Variants in DOK5 observed in about 807,000 individuals in gnomAD.
The protein encoded by DOK5 is downstream of tyrosine kinase 5.
DOK5 carries 27 observed loss-of-function variants against 43.3 expected under a neutral mutation model. The ratio of observed to expected loss-of-function variants is 0.62; its 90% confidence interval spans 0.46 to 0.86. The LOEUF is 0.86. DOK5 is among the 40% of genes least tolerant of loss of function. The pLI is 0.00. For synonymous variants in DOK5, 146 were observed against 140.1 expected (o/e 1.04, Z -0.30); for missense variants, 373 against 392.9 (o/e 0.95, Z 0.43).
Position 54,576,033 on chromosome 20 carries a change from G to A in DOK5, c.175-12450G>A, listed in dbSNP as rs572726489. ...ATGAACACAGAGTTCCTGGAGAAACGATCAGAGGCAGAAAACAAAGAATAC... is the reference window on the plus strand; with the variant it reads ...ATGAACACAGAGTTCCTGGAGAAACAATCAGAGGCAGAAAACAAAGAATAC... On this transcript the variant is annotated intron_variant, in intron 2 of 7. Transcript: ENST00000262593. Among the ~76,000 whole-genome samples, 10 of 152,112 alleles carry A rather than the reference G, an allele frequency of 6.6e-5. No individual in the cohort carries two copies. In the East Asian group the frequency reaches 1.5e-3, roughly 24 times the overall value.
chr20:54,592,702 C>T (rs553912800), intron 5 of DOK5, among the ~76,000 whole-genome samples: 179 of 151,856 alleles, frequency 1.2e-3, no homozygotes, highest in South Asian at 5.2e-3. Flanking sequence ...CACCACGCCT[C>T]GCTAATTTTT....
chr20:54,486,344 A>G (rs112609782), intron 1 of DOK5, among the ~76,000 whole-genome samples: 2 of 148,990 alleles, frequency 1.3e-5, no homozygotes, highest in Non-Finnish European at 2.9e-5. Context: ...ATATATGTCT[A>G]TATATGTCTG....
chr20:54,492,971 C>G (rs984794920), intron 1 of DOK5, among the ~76,000 whole-genome samples: 16 of 148,636 alleles, frequency 1.1e-4, no homozygotes, highest in Non-Finnish European at 2.1e-4. Flanking sequence ...AGGAGAATTG[C>G]TTGGCCCCAG....
At chr20:54,642,982 A>G (rs1230673876) in intron 6 of DOK5, among the ~76,000 whole-genome samples, 1 of 152,264 alleles carries the variant, frequency 6.6e-6, no homozygotes, top group African/African-American at 2.4e-5. Flanking sequence ...AAATCATTCA[A>G]CACATGTTAC....
At chr20:54,526,193 G>A (rs2146701283) in intron 1 of DOK5, among the ~76,000 whole-genome samples, 1 of 151,198 alleles carries the variant, frequency 6.6e-6, no homozygotes, top group Non-Finnish European at 1.5e-5. Context: ...GGTTTGATGA[G>A]GTCAGATTTC....
At chr20:54,507,839 A>G (rs1411186842) in intron 1 of DOK5, among the ~76,000 whole-genome samples, 2 of 152,232 alleles carry the variant, frequency 1.3e-5, no homozygotes, top group East Asian at 1.9e-4. Flanking sequence ...TCATATCACA[A>G]TGGAGAATTA....
At chr20:54,575,682 C>T (rs1985431465) in intron 2 of DOK5, among the ~76,000 whole-genome samples, 1 of 152,192 alleles carries the variant, frequency 6.6e-6, no homozygotes, top group African/African-American at 2.4e-5. Context: ...CTCAAATGAT[C>T]CACCCACCTT....
chr20:54,610,236 A>G (rs1986603032), intron 5 of DOK5, 152 bp from the exon 6 acceptor site: 1 of 804,810 alleles, frequency 1.2e-6, no homozygotes, highest in Middle Eastern at 4.0e-4. Flanking sequence ...GAACACTTTG[A>G]ACATTCCGAT....
At chr20:54,514,586 C>CTTTTTTTT (rs199776939) in intron 1 of DOK5, among the ~76,000 whole-genome samples, 9 of 100,928 alleles carry the variant, frequency 8.9e-5, no homozygotes, top group South Asian at 3.1e-4. Context: ...AAGTTTTACT[C>CTTTTTTTT]TTTTTTTTTT....
rs386394048 is a variant in DOK5 at position 54,646,248 on chromosome 20, GTTTTTTTTT to G, written c.856+2686_856+2694del. Among the ~76,000 whole-genome samples the G allele has an allele frequency of 3.5e-4, 28 of 79,930 alleles. 1 individual carries two copies. The highest frequency in any genetic ancestry group is 1.2e-3 in the African/African-American group (22 of 18,994). The allele number at this position is 79,930 out of a possible 152,430, so 52.4% of individuals were successfully genotyped here. A position where few individuals can be genotyped will look rare whatever the true frequency, so the allele number is the denominator to read the frequency against. On this transcript the variant is annotated intron_variant, in intron 7 of 7. Transcript: ENST00000262593. ...TACTGTTATATCCACTGGTTATACT[GTTTTTTTTT>G]TTTTTTTTTTTTTTTGAGACAGGGT...
At chr20:54,512,739 T>C (rs570923301) in intron 1 of DOK5, among the ~76,000 whole-genome samples, 1 of 152,228 alleles carries the variant, frequency 6.6e-6, no homozygotes, top group Non-Finnish European at 1.5e-5. Context: ...TGTATATTAG[T>C]CTTCGGCCTC....
intron 7 of DOK5, 134 bp downstream of exon 7, chr20:54,643,712 G>A (rs1269241113): frequency 8.5e-7 from 1 of 1,179,874 alleles, no homozygotes; most frequent in Non-Finnish European, 1.2e-6. Context: ...CCCCATCAAG[G>A]CCTCACACAC....
chr20:54,598,014 G>A (rs1245486474), intron 5 of DOK5, among the ~76,000 whole-genome samples: 1 of 152,184 alleles, frequency 6.6e-6, no homozygotes, highest in Non-Finnish European at 1.5e-5. Context: ...GGGTATAAAT[G>A]TTCTTAGTTT....
intron 1 of DOK5, among the ~76,000 whole-genome samples, chr20:54,501,140 C>T (rs538440933): frequency 6.6e-5 from 10 of 152,074 alleles, no homozygotes; most frequent in East Asian, 1.9e-4. Flanking sequence ...CTATGGGCTA[C>T]GATTTACATT....
chr20:54,484,292 T>A (rs1362656038), intron 1 of DOK5, among the ~76,000 whole-genome samples: 3 of 151,160 alleles, frequency 2.0e-5, no homozygotes, highest in African/African-American at 7.3e-5. Context: ...GGCAGGAGAA[T>A]CCCTTGAACC....
intron 1 of DOK5, among the ~76,000 whole-genome samples, chr20:54,526,704 A>G (rs1363452913): frequency 1.3e-5 from 2 of 152,094 alleles, no homozygotes; most frequent in East Asian, 3.9e-4. Flanking sequence ...TACCTGGAAC[A>G]CCTCCATTTT....
At chr20:54,477,715 G>A (rs1450093821) in intron 1 of DOK5, among the ~76,000 whole-genome samples, 1 of 151,880 alleles carries the variant, frequency 6.6e-6, no homozygotes, top group African/African-American at 2.4e-5. Context: ...GAATTGGTAT[G>A]AGACATCCAT....
At chr20:54,492,844 A>G (rs1406581775) in intron 1 of DOK5, among the ~76,000 whole-genome samples, 1 of 152,038 alleles carries the variant, frequency 6.6e-6, no homozygotes, top group African/African-American at 2.4e-5. Flanking sequence ...ACTTGAGGTC[A>G]GGAGTTCAAG....
intron 6 of DOK5, among the ~76,000 whole-genome samples, chr20:54,624,414 A>G (rs1259314711): frequency 1.3e-5 from 2 of 152,242 alleles, no homozygotes; most frequent in African/African-American, 4.8e-5. Context: ...AGGCAGGGAC[A>G]AGGCCCCATG....
Sources: allele counts gnomAD v4.1 joint callset (sites outside exome capture counted in the v4.1 genomes callset), GRCh38; gene constraint gnomAD v4.1.1; transcripts MANE v1.5; gene names NCBI Gene and HGNC (gene_info 2026-07-23, HGNC 2026-07-21).